The following ERC2 variants were observed in gnomAD, a reference collection of about 807,000 sequenced individuals.
The protein encoded by ERC2 is ELKS/RAB6-interacting/CAST family member 2, also known as ERC protein 2.
ERC2 carries 42 observed loss-of-function variants against 114.8 expected under a neutral mutation model. That is an observed-to-expected ratio of 0.37 (90% CI 0.29 to 0.47). ERC2 has a LOEUF of 0.47. ERC2 is among the 20% of genes least tolerant of loss of function. ERC2 has a pLI of 0.99. For synonymous variants in ERC2, 454 were observed against 425.5 expected (o/e 1.07, Z -0.82); for missense variants, 939 against 1,150.7 (o/e 0.82, Z 2.66).
At chr3:55,663,917 A>C (rs529239754) in intron 17 of ERC2, among the ~76,000 whole-genome samples, 2 of 152,298 alleles carry the variant, frequency 1.3e-5, no homozygotes, top group Admixed American at 6.5e-5. Context: ...CCTATAGCCA[A>C]GTCACATTTT....
At chr3:56,460,749 A>G (rs748828948) in intron 1 of ERC2, among the ~76,000 whole-genome samples, 7 of 152,102 alleles carry the variant, frequency 4.6e-5, no homozygotes, top group Non-Finnish European at 8.8e-5. Flanking sequence ...CAAATCAATC[A>G]CTACTTAATA....
At position 55,846,692 on chromosome 3, in the gene ERC2, T is replaced by TC. The variant is rs1559754910; in HGVS notation, c.2564+41696_2564+41697insG. ...CATTCTCTCTCTCTCTCTCTCTCTCTTTCTCTCTCTCTCTCTCTCTCTCTC... is the reference window on the plus strand; with the variant it reads ...CATTCTCTCTCTCTCTCTCTCTCTCTCTTCTCTCTCTCTCTCTCTCTCTCTC... On this transcript the variant is annotated intron_variant, in intron 14 of 17. Transcript: ENST00000288221. 9.6e-3 allele frequency among the ~76,000 whole-genome samples: 1,264 copies of TC among 131,318 alleles called. 14 individuals carry two copies. Among genetic ancestry groups the TC allele is most frequent in the African/African-American group, 0.035 (1,057 of 30,192 alleles). The allele number at this position is 131,318 out of a possible 152,430, so 86.1% of individuals were successfully genotyped here. A position where few individuals can be genotyped will look rare whatever the true frequency, so the allele number is the denominator to read the frequency against.
At chr3:55,883,099 A>G (rs1259790850) in intron 14 of ERC2, among the ~76,000 whole-genome samples, 1 of 152,252 alleles carries the variant, frequency 6.6e-6, no homozygotes, top group Non-Finnish European at 1.5e-5. Context: ...CCTAGCACAT[A>G]GTAGATCATC....
intron 12 of ERC2, among the ~76,000 whole-genome samples, chr3:55,984,167 T>G (rs940768056): frequency 6.6e-6 from 1 of 152,170 alleles, no homozygotes; most frequent in Admixed American, 6.5e-5. Flanking sequence ...AGATTTGGCA[T>G]GTGCATTTTG....
chr3:56,410,890 C>A (rs1026013782), intron 2 of ERC2, among the ~76,000 whole-genome samples: 5 of 151,910 alleles, frequency 3.3e-5, no homozygotes, highest in Non-Finnish European at 7.4e-5. Context: ...TATTTACATC[C>A]TCTCCTTTTC....
At chr3:55,635,453 C>T (rs947047100) in intron 17 of ERC2, among the ~76,000 whole-genome samples, 3 of 151,502 alleles carry the variant, frequency 2.0e-5, no homozygotes, top group Non-Finnish European at 4.4e-5. Flanking sequence ...TGCAGTGGCT[C>T]GATCTCAGCT....
intron 4 of ERC2, among the ~76,000 whole-genome samples, chr3:56,155,457 A>G (rs1004823547): frequency 2.0e-5 from 3 of 152,044 alleles, no homozygotes; most frequent in African/African-American, 7.2e-5. Flanking sequence ...GGGCCCTTAT[A>G]ACATCATTTG....
At chr3:55,752,327 C>A (rs891166156) in intron 14 of ERC2, among the ~76,000 whole-genome samples, 5 of 152,136 alleles carry the variant, frequency 3.3e-5, no homozygotes, top group Non-Finnish European at 5.9e-5. Flanking sequence ...TGCTAGCTAG[C>A]GAGAGTCAAT....
chr3:55,890,356 T>G (rs2063544553), intron 13 of ERC2, among the ~76,000 whole-genome samples: 1 of 152,224 alleles, frequency 6.6e-6, no homozygotes, highest in African/African-American at 2.4e-5. Flanking sequence ...AGATGGTCTG[T>G]GTCCTCATGA....
chr3:56,210,766 C>CAATTAACAT (rs1264294960), intron 3 of ERC2, among the ~76,000 whole-genome samples: 1 of 152,144 alleles, frequency 6.6e-6, no homozygotes, highest in Non-Finnish European at 1.5e-5. Context: ...CCCTGATATT[C>CAATTAACAT]AATTAACATT....
intron 7 of ERC2, among the ~76,000 whole-genome samples, chr3:56,019,859 CA>C (rs2073582662): frequency 6.6e-6 from 1 of 152,102 alleles, no homozygotes; most frequent in Non-Finnish European, 1.5e-5. Context: ...CCCCACTATA[CA>C]AACAATTTAT....
At chr3:55,625,066 T>C (rs1214225683) in intron 17 of ERC2, among the ~76,000 whole-genome samples, 3 of 152,310 alleles carry the variant, frequency 2.0e-5, no homozygotes, top group Non-Finnish European at 4.4e-5. Flanking sequence ...AACCTTGTTT[T>C]ATTTAAAAGA....
intron 2 of ERC2, among the ~76,000 whole-genome samples, chr3:56,379,178 G>A (rs1382072659): frequency 2.6e-5 from 4 of 152,086 alleles, no homozygotes; most frequent in Admixed American, 6.5e-5. Context: ...GCTACAGGTG[G>A]CTACTGAGTA....
At chr3:55,901,588 T>C (rs914419595) in intron 13 of ERC2, among the ~76,000 whole-genome samples, 4 of 152,156 alleles carry the variant, frequency 2.6e-5, no homozygotes, top group African/African-American at 9.7e-5. Context: ...ATGCTTTAAC[T>C]CTCCTTCTTC....
chr3:55,626,637 G>A (rs1487842515), intron 17 of ERC2, among the ~76,000 whole-genome samples: 1 of 152,206 alleles, frequency 6.6e-6, no homozygotes, highest in African/African-American at 2.4e-5. Flanking sequence ...CTTTGGATAA[G>A]GTGGCATTGG....
chr3:55,821,043 GA>G (rs2060102654), intron 14 of ERC2, among the ~76,000 whole-genome samples: 1 of 152,118 alleles, frequency 6.6e-6, no homozygotes, highest in Non-Finnish European at 1.5e-5. Context: ...AGACAGGTAT[GA>G]AGGGTGCTAG....
chr3:55,898,413 G>A (rs2063946118), intron 13 of ERC2, among the ~76,000 whole-genome samples: 1 of 152,146 alleles, frequency 6.6e-6, no homozygotes, highest in South Asian at 2.1e-4. Context: ...GGATAGTAAA[G>A]GATGTGGACT....
At chr3:55,739,728 T>C (rs2065867276) in intron 14 of ERC2, among the ~76,000 whole-genome samples, 2 of 152,218 alleles carry the variant, frequency 1.3e-5, no homozygotes, top group African/African-American at 4.8e-5. Context: ...CTGACGATAG[T>C]TTCTTTTGCT....
At chr3:56,254,934 C>T (rs752672071) in intron 3 of ERC2, among the ~76,000 whole-genome samples, 5 of 152,194 alleles carry the variant, frequency 3.3e-5, no homozygotes, top group East Asian at 1.9e-4. Flanking sequence ...TAGCTAATTC[C>T]GGTGAAAAAT....
Sources: allele counts gnomAD v4.1 joint callset (sites outside exome capture counted in the v4.1 genomes callset), GRCh38; gene constraint gnomAD v4.1.1; transcripts MANE v1.5; gene names NCBI Gene and HGNC (gene_info 2026-07-23, HGNC 2026-07-21).